Variants in MAGI1 observed in about 807,000 individuals in gnomAD.
MAGI1 encodes the protein membrane-associated guanylate kinase, WW and PDZ domain-containing protein 1.
In MAGI1, 58 loss-of-function variants were observed where a neutral mutation model predicts 139.9. The observed-to-expected ratio is 0.41, with a 90% CI of 0.34 to 0.52. MAGI1 has a LOEUF of 0.52. Ranked by LOEUF, MAGI1 falls within the 20% of genes least tolerant of loss-of-function variation. The pLI is 0.12. For synonymous variants in MAGI1, 812 were observed against 737.9 expected (o/e 1.10, Z -1.63); for missense variants, 1,874 against 1,901.6 (o/e 0.99, Z 0.27).
At chr3:65,451,802 G>A (rs962452978) in intron 6 of MAGI1, among the ~76,000 whole-genome samples, 2 of 151,818 alleles carry the variant, frequency 1.3e-5, no homozygotes, top group South Asian at 2.1e-4. Flanking sequence ...ATGCCAACAC[G>A]CCTAGCTAAT....
intron 1 of MAGI1, among the ~76,000 whole-genome samples, chr3:65,738,669 G>A (rs1259251880): frequency 6.6e-6 from 1 of 152,186 alleles, no homozygotes; most frequent in East Asian, 1.9e-4. Context: ...TGTGTTAACA[G>A]GCACGAAAAC....
chr3:65,824,427 A>G (rs1157149880), intron 1 of MAGI1, among the ~76,000 whole-genome samples: 2 of 152,178 alleles, frequency 1.3e-5, no homozygotes, highest in Non-Finnish European at 2.9e-5. Flanking sequence ...TGAGTGGGAG[A>G]AAAACGAGGG....
chr3:65,996,316 C>G (rs2066445090), intron 1 of MAGI1, among the ~76,000 whole-genome samples: 1 of 152,140 alleles, frequency 6.6e-6, no homozygotes. Flanking sequence ...TTGCCAGCTA[C>G]TATTATAACT....
rs146784650 is a variant in MAGI1, at chr3:65,989,884, T to A, written c.313+48112A>T. 4.9e-3 allele frequency among the ~76,000 whole-genome samples: 751 copies of A among 152,342 alleles called. 9 individuals carry two copies. The highest frequency in any genetic ancestry group is 0.012 in the African/African-American group (499 of 41,578). On this transcript the variant is annotated intron_variant, in intron 1 of 22. Coordinates refer to ENST00000402939, the MANE Select transcript of MAGI1 (RefSeq NM_001033057.2). ...TATACAGTTGTTGTGTTCATTTTACTGAATATTTGGGGAAAGTTAGCTGTC... is the reference window on the plus strand; with the variant it reads ...TATACAGTTGTTGTGTTCATTTTACAGAATATTTGGGGAAAGTTAGCTGTC...
At chr3:65,377,337 T>C (rs572705923) in intron 17 of MAGI1, among the ~76,000 whole-genome samples, 1 of 152,292 alleles carries the variant, frequency 6.6e-6, no homozygotes, top group East Asian at 1.9e-4. Context: ...CCAAGGACAA[T>C]TGGTATAACA....
chr3:65,915,539 A>T (rs2061857618), intron 1 of MAGI1, among the ~76,000 whole-genome samples: 1 of 152,152 alleles, frequency 6.6e-6, no homozygotes, highest in Admixed American at 6.6e-5. Context: ...TCTTTTTTTA[A>T]AATCCCTGAA....
rs77973954 is a variant in MAGI1, at chr3:66,017,101, G to A, written c.313+20895C>T. Among the ~76,000 whole-genome samples the A allele has an allele frequency of 1.4e-3, 217 of 152,264 alleles. 1 individual carries two copies. The highest frequency in any genetic ancestry group is 2.6e-3 in the Non-Finnish European group (180 of 68,022). On this transcript the variant is annotated intron_variant, in intron 1 of 22. Transcript: ENST00000402939. The stretch of plus-strand genomic sequence containing the variant: ...TGAATATACTTAATGCCACTTAATT[G>A]TATAATTAAAATGGTTAATTTTATG...
intron 1 of MAGI1, among the ~76,000 whole-genome samples, chr3:66,033,348 G>A (rs1576535269): frequency 2.0e-5 from 3 of 152,154 alleles, no homozygotes; most frequent in African/African-American, 7.2e-5. Flanking sequence ...AGTGGTGTGT[G>A]GGGGCCAGCT....
chr3:65,499,571 T>C (rs2077003181), intron 2 of MAGI1, among the ~76,000 whole-genome samples: 1 of 151,542 alleles, frequency 6.6e-6, no homozygotes, highest in African/African-American at 2.4e-5. Flanking sequence ...TGCAGTGAGC[T>C]GAGATTGCGC....
chr3:65,871,228 T>C (rs996571540), intron 1 of MAGI1, among the ~76,000 whole-genome samples: 2 of 152,086 alleles, frequency 1.3e-5, no homozygotes, highest in Admixed American at 1.3e-4. Flanking sequence ...TGAGCCCCCA[T>C]GCCCAGCCTA....
intron 1 of MAGI1, among the ~76,000 whole-genome samples, chr3:65,973,641 T>G (rs1324061653): frequency 6.6e-6 from 1 of 152,256 alleles, no homozygotes; most frequent in South Asian, 2.1e-4. Context: ...CAATTCTTAC[T>G]GATTTTTGGA....
chr3:65,761,844 A>G lies in MAGI1; in HGVS notation c.314-139756T>C, dbSNP rs559861762. On this transcript the variant is annotated intron_variant, in intron 1 of 22. Coordinates refer to ENST00000402939, the MANE Select transcript of MAGI1 (RefSeq NM_001033057.2). ...TCCCTTCAAGGATTGCTGAGCTCCC[A>G]AGTGCTTGTGAAAACACGTCAGGTG... Among the ~76,000 whole-genome samples the G allele has an allele frequency of 7.2e-5, 11 of 152,344 alleles. No homozygotes were observed. The South Asian group carries it at 2.1e-3, about 29-fold the overall frequency.
intron 21 of MAGI1, 90 bp downstream of exon 21, chr3:65,363,375 C>T: frequency 7.1e-7 from 1 of 1,414,746 alleles, no homozygotes; most frequent in South Asian, 1.5e-5. Flanking sequence ...AAATGTAGTT[C>T]TTATGAACAT....
intron 17 of MAGI1, chr3:65,379,046 G>T (rs1942815386): frequency 1.1e-6 from 1 of 936,156 alleles, no homozygotes; most frequent in Non-Finnish European, 1.6e-6. Flanking sequence ...CACATTCTCA[G>T]TGTGGAAGTT....
chr3:65,735,672 T>C (rs1386790124), intron 1 of MAGI1, among the ~76,000 whole-genome samples: 1 of 152,226 alleles, frequency 6.6e-6, no homozygotes, highest in Non-Finnish European at 1.5e-5. Context: ...TCAGTTATCA[T>C]TATTATCAAC....
chr3:66,006,631 G>A (rs947880064), intron 1 of MAGI1, among the ~76,000 whole-genome samples: 2 of 152,150 alleles, frequency 1.3e-5, no homozygotes, highest in Non-Finnish European at 2.9e-5. Flanking sequence ...TATGGTACCA[G>A]AACTTTAAGG....
At chr3:65,410,830 T>C (rs1403739621) in intron 12 of MAGI1, among the ~76,000 whole-genome samples, 1 of 152,212 alleles carries the variant, frequency 6.6e-6, no homozygotes, top group Non-Finnish European at 1.5e-5. Flanking sequence ...CAATGAAGCA[T>C]GTCTTTAAAG....
chr3:65,918,278 C>T (rs751797245), intron 1 of MAGI1, among the ~76,000 whole-genome samples: 1 of 151,972 alleles, frequency 6.6e-6, no homozygotes, highest in African/African-American at 2.4e-5. Flanking sequence ...TTACATAACT[C>T]TCTCAGGTCA....
Position 65,470,341 on chromosome 3 carries a change from G to A in MAGI1, c.901C>T (p.Pro301Ser). ...GCCATCTCCCAGTTTTCAGGTAGAG[G>A]ACCTAAATTATCCTCTGCAGAAAGA... ...LPLSAEDNLG[P>S]LPENWEMAYT... The change falls in exon 5 of 23, where the codon CCT (proline) becomes TCT (serine). Residue 301 changes from proline (P) to serine (S), a missense_variant. Physicochemically the swap from Pro to Ser is moderately conservative, Grantham distance 74 (BLOSUM62 -1). Coordinates refer to ENST00000402939, the MANE Select transcript of MAGI1 (RefSeq NM_001033057.2). 6.2e-7 allele frequency: 1 copy of A among 1,613,666 alleles called. No individual in the cohort carries two copies. Among genetic ancestry groups the A allele is most frequent in the East Asian group, 2.2e-5 (1 of 44,862 alleles).
Sources: allele counts gnomAD v4.1 joint callset (sites outside exome capture counted in the v4.1 genomes callset), GRCh38; gene constraint gnomAD v4.1.1; transcripts MANE v1.5; gene names NCBI Gene and HGNC (gene_info 2026-07-23, HGNC 2026-07-21).